AGAP1: variants seen among roughly 807,000 people sequenced by gnomAD.
AGAP1 encodes the protein ArfGAP with GTPase domain, ankyrin repeat and PH domain 1.
A neutral mutation model predicts 105.3 loss-of-function variants in AGAP1; 29 were observed. The ratio of observed to expected loss-of-function variants is 0.28; its 90% CI spans 0.21 to 0.38. AGAP1 has a LOEUF of 0.38. AGAP1 is among the 10% of genes least tolerant of loss of function. The pLI, the probability that AGAP1 is intolerant of heterozygous loss-of-function variation, is 1.00. For missense variants in AGAP1, 998 were observed against 1,165.1 expected (o/e 0.86, Z 2.09); for synonymous variants, 509 against 485.9 (o/e 1.05, Z -0.63).
chr2:235,648,443 G>A (rs562167414), intron 1 of AGAP1, among the ~76,000 whole-genome samples: 12 of 152,246 alleles, frequency 7.9e-5, no homozygotes, highest in African/African-American at 2.6e-4. Context: ...TAACATTCAA[G>A]CACCTTGATT....
intron 1 of AGAP1, among the ~76,000 whole-genome samples, chr2:235,695,256 G>A (rs1460325383): frequency 6.6e-6 from 1 of 152,182 alleles, no homozygotes; most frequent in Non-Finnish European, 1.5e-5. Flanking sequence ...GCTCTTAGAG[G>A]TGTAGAAAGG....
At chr2:235,504,169 A>G (rs910362306) in intron 1 of AGAP1, among the ~76,000 whole-genome samples, 1 of 152,010 alleles carries the variant, frequency 6.6e-6, no homozygotes, top group Admixed American at 6.5e-5. Flanking sequence ...TTTGACACAT[A>G]ACAGAGAAAG....
At position 235,714,493 on chromosome 2, in the gene AGAP1, G is replaced by A. The variant is rs551033517; in HGVS notation, c.223-3064G>A. ...AGCTTTAGTTGCCTGGAGACAGCAAGGCCTGTTAGGATGGGGCTTGGTAGC... is the reference window on the plus strand; with the variant it reads ...AGCTTTAGTTGCCTGGAGACAGCAAAGCCTGTTAGGATGGGGCTTGGTAGC... On this transcript the variant is annotated intron_variant, in intron 2 of 17. Transcript: ENST00000304032. The surrounding 1 kb of genome is among the most constrained non-coding windows in gnomAD (Gnocchi z 4.1). 2.1e-4 allele frequency among the ~76,000 whole-genome samples: 32 copies of A among 152,072 alleles called. No individual in the cohort carries two copies. Among genetic ancestry groups the A allele is most frequent in the African/African-American group, 7.7e-4 (32 of 41,488 alleles).
intron 1 of AGAP1, among the ~76,000 whole-genome samples, chr2:235,572,871 G>A (rs906164201): frequency 2.1e-4 from 32 of 152,282 alleles, no homozygotes; most frequent in African/African-American, 7.5e-4. Flanking sequence ...GGGAGCTCCT[G>A]GTGTTGGGGG....
At chr2:235,525,585 T>TA (rs1942802549) in intron 1 of AGAP1, among the ~76,000 whole-genome samples, 2 of 151,764 alleles carry the variant, frequency 1.3e-5, no homozygotes, top group South Asian at 4.2e-4. Flanking sequence ...ATTTATAAAG[T>TA]AGAGGACTGA....
chr2:235,687,458 T>C (rs909155470), intron 1 of AGAP1, among the ~76,000 whole-genome samples: 1 of 152,218 alleles, frequency 6.6e-6, no homozygotes, highest in African/African-American at 2.4e-5. Flanking sequence ...AGTTGACCTT[T>C]GGGGGTGACA....
chr2:235,966,783 G>C lies in AGAP1; in HGVS notation c.1484-1679G>C, dbSNP rs189601877. On this transcript the variant is annotated intron_variant, in intron 12 of 17. Transcript: ENST00000304032. ...CAGCCCTCTTCTTCCATGTGTAAAG[G>C]GTGCATGCAATGAAGGGTGACGCTT... Among the ~76,000 whole-genome samples, 202 of 152,168 alleles carry C rather than the reference G, an allele frequency of 1.3e-3. 2 individuals carry two copies. Among genetic ancestry groups the C allele is most frequent in the African/African-American group, 4.6e-3 (191 of 41,506 alleles).
rs768111912 is a variant in AGAP1, at chr2:235,639,713, C to T, written c.164-69466C>T. Among the ~76,000 whole-genome samples the T allele has an allele frequency of 6.6e-6, 1 of 152,186 alleles. No individual in the cohort carries two copies. Among genetic ancestry groups the T allele is most frequent in the Non-Finnish European group, 1.5e-5 (1 of 68,048 alleles). ...TCTTAGATAGTGGCAGCGCTTGCCT[C>T]GCTGCATCTCGTGTTCTCAAAATCA... On this transcript the variant is annotated intron_variant, in intron 1 of 17. Coordinates refer to ENST00000304032, the MANE Select transcript of AGAP1 (RefSeq NM_001037131.3). This position sits in a 1 kb window ranked among gnomAD's most constrained non-coding sequence, Gnocchi z 5.3.
rs191184620 is a variant in AGAP1, at chr2:236,126,758, G to C, written c.*2636G>C. 1.4e-4 allele frequency: 22 copies of C among 152,054 alleles called. No homozygotes were observed. Among genetic ancestry groups the C allele is most frequent in the African/African-American group, 5.3e-4 (22 of 41,482 alleles). The allele number at this position is 152,054 out of a possible 1,614,324, so 9.4% of individuals were successfully genotyped here. A position where few individuals can be genotyped will look rare whatever the true frequency, so the allele number is the denominator to read the frequency against. ...AGCAGAAGGAAAGGCAGTTTTTGAG[G>C]GTCTTTCGAAAAAAAGAAGACGGGG... On this transcript the variant is annotated 3_prime_UTR_variant, in exon 18 of 18. Coordinates refer to ENST00000304032, the MANE Select transcript of AGAP1 (RefSeq NM_001037131.3).
chr2:235,634,833 C>T (rs771010796), intron 1 of AGAP1, among the ~76,000 whole-genome samples: 7 of 152,112 alleles, frequency 4.6e-5, no homozygotes, highest in Non-Finnish European at 8.8e-5. Flanking sequence ...ATTGAGTTTA[C>T]GTACCACGAA....
Position 235,889,466 on chromosome 2 carries a change from C to T in AGAP1, c.1155+6017C>T, listed in dbSNP as rs1413695292. On this transcript the variant is annotated intron_variant, in intron 10 of 17. Transcript: ENST00000304032. This position sits in a 1 kb window ranked among gnomAD's most constrained non-coding sequence, Gnocchi z 4.6. The stretch of plus-strand genomic sequence containing the variant: ...CAAGGGACTTCAGCTGGGTGGTGGC[C>T]CTGGGATGTCACTTTCCTTCCCACT... 1.3e-5 allele frequency among the ~76,000 whole-genome samples: 2 copies of T among 152,022 alleles called. No individual in the cohort carries two copies. Among genetic ancestry groups the T allele is most frequent in the Admixed American group, 6.6e-5 (1 of 15,260 alleles).
intron 1 of AGAP1, among the ~76,000 whole-genome samples, chr2:235,583,436 C>G (rs1944999250): frequency 6.6e-6 from 1 of 152,118 alleles, no homozygotes; most frequent in Non-Finnish European, 1.5e-5. Flanking sequence ...CTCATTTGAA[C>G]CTATGCGGCT....
At chr2:235,670,361 C>T in intron 1 of AGAP1, 1 of 529,376 alleles carries the variant, frequency 1.9e-6, no homozygotes, top group Non-Finnish European at 3.4e-6. Flanking sequence ...TCCCCGGCCG[C>T]GCGCTTGGGA....
In AGAP1 at chr2:236,082,400, C is replaced by T. The variant is rs903778340; in HGVS notation, c.2114+33119C>T. On this transcript the variant is annotated intron_variant, in intron 16 of 17. Coordinates refer to ENST00000304032, the MANE Select transcript of AGAP1 (RefSeq NM_001037131.3). This position sits in a 1 kb window ranked among gnomAD's most constrained non-coding sequence, Gnocchi z 4.2. ...GCGACCAGCAGGGTCATTAATTAGG[C>T]ATGTGGTGGGAGCTCACCCACCAGG... is the stretch of plus-strand genomic sequence containing the variant. Among the ~76,000 whole-genome samples the T allele has an allele frequency of 1.2e-4, 18 of 152,334 alleles. No homozygotes were observed. The highest frequency in any genetic ancestry group is 3.6e-4 in the African/African-American group (15 of 41,578).
At position 236,008,393 on chromosome 2, in the gene AGAP1, T is replaced by A. The variant is rs181386582; in HGVS notation, c.1646-28168T>A. ...CCGTGAAAACAGGGAGAGAAATTTCTGTTTTTCACCGATGCATTTCTCACG... is the reference window on the plus strand; with the variant it reads ...CCGTGAAAACAGGGAGAGAAATTTCAGTTTTTCACCGATGCATTTCTCACG... On this transcript the variant is annotated intron_variant, in intron 13 of 17. Transcript: ENST00000304032. Among the ~76,000 whole-genome samples, 229 of 152,360 alleles carry A rather than the reference T, an allele frequency of 1.5e-3. 1 individual carries two copies. The highest frequency in any genetic ancestry group is 2.2e-3 in the Non-Finnish European group (150 of 68,032).
intron 11 of AGAP1, among the ~76,000 whole-genome samples, chr2:235,917,689 G>A (rs555954129): frequency 5.9e-4 from 90 of 152,278 alleles, no homozygotes; most frequent in South Asian, 2.3e-3. Context: ...TGCTGCTCCC[G>A]GAGATTAATG....
In AGAP1 at chr2:235,692,689, A is replaced by T; in HGVS notation, c.164-16490A>T. 6.6e-6 allele frequency among the ~76,000 whole-genome samples: 1 copy of T among 151,954 alleles called. No homozygotes were observed. Among genetic ancestry groups the T allele is most frequent in the Non-Finnish European group, 1.5e-5 (1 of 67,970 alleles). The stretch of plus-strand genomic sequence containing the variant: ...AGCACCTCAGAGAAGCCGATGACTG[A>T]CGTGCACCCCGCCAGCCTCCCTGCT... On this transcript the variant is annotated intron_variant, in intron 1 of 17. Coordinates refer to ENST00000304032, the MANE Select transcript of AGAP1 (RefSeq NM_001037131.3). This position sits in a 1 kb window ranked among gnomAD's most constrained non-coding sequence, Gnocchi z 5.8.
In AGAP1 at chr2:235,739,165, G is replaced by T. The variant is rs545387884; in HGVS notation, c.311-1798G>T. Among the ~76,000 whole-genome samples, 15 of 152,108 alleles carry T rather than the reference G, an allele frequency of 9.9e-5. No individual in the cohort carries two copies. In the South Asian group the frequency reaches 2.9e-3, roughly 29 times the overall value. On this transcript the variant is annotated intron_variant, in intron 3 of 17. Transcript: ENST00000304032. This position sits in a 1 kb window ranked among gnomAD's most constrained non-coding sequence, Gnocchi z 5.3. ...TTGCATCTGGGGACACTGAGATGGG[G>T]CGAGGTGGGGCAAGACTACACAGCT...
intron 13 of AGAP1, among the ~76,000 whole-genome samples, chr2:235,998,663 G>GTGGTGGTGGTGGTGACGA (rs998599399): frequency 6.6e-6 from 1 of 152,100 alleles, no homozygotes. Flanking sequence ...AGAGGTGGTG[G>GTGGTGGTGGTGGTGACGA]TGGTGGTGGT....
Sources: gnomAD v4.1 joint callset for allele counts (sites outside exome capture counted in the v4.1 genomes callset) on GRCh38, gnomAD v4.1.1 for gene constraint, Gnocchi (gnomAD v3.1) non-coding constraint, MANE v1.5 for transcripts, NCBI Gene and HGNC (gene_info 2026-07-23, HGNC 2026-07-21) for gene names.